SNX8: variants seen among roughly 807,000 people sequenced by gnomAD.
The protein encoded by SNX8 is sorting nexin 8.
In SNX8, 25 loss-of-function variants were observed where a neutral mutation model predicts 51.6. The observed-to-expected ratio is 0.48, with a 90% CI of 0.35 to 0.68. The LOEUF is 0.68. Among genes scored for constraint, SNX8 ranks in the 30% least tolerant of loss-of-function variants. The pLI is 0.00. For missense variants in SNX8, 695 were observed against 624.0 expected, an observed-to-expected ratio of 1.11 and a Z score of -1.21; for synonymous variants, 324 against 277.0, an observed-to-expected ratio of 1.17 and a Z score of -1.68.
intron 1 of SNX8, among the ~76,000 whole-genome samples, chr7:2,320,107 G>A (rs907643578): frequency 6.6e-6 from 1 of 152,184 alleles, no homozygotes; most frequent in Non-Finnish European, 1.5e-5. Context: ...TGTAATCCCA[G>A]CACTTTGGGA....
intron 9 of SNX8, 119 bp from the exon 10 acceptor site, chr7:2,257,142 C>A: frequency 7.7e-7 from 1 of 1,297,700 alleles, no homozygotes; most frequent in Non-Finnish European, 1.0e-6. Flanking sequence ...CTTCACCAGG[C>A]ATTTGGAAGG....
intron 1 of SNX8, among the ~76,000 whole-genome samples, chr7:2,339,970 G>T (rs1778891638): frequency 6.6e-6 from 1 of 150,916 alleles, no homozygotes; most frequent in South Asian, 2.1e-4. Context: ...TATTTTAAGA[G>T]AAAATAAAAA....
intron 1 of SNX8, among the ~76,000 whole-genome samples, chr7:2,337,776 AC>A (rs1387375404): frequency 6.6e-6 from 1 of 151,032 alleles, no homozygotes; most frequent in African/African-American, 2.4e-5. Flanking sequence ...TAAAAAAAAA[AC>A]AAGTATGCAA....
At chr7:2,265,271 C>T (rs1241024580) in intron 5 of SNX8, among the ~76,000 whole-genome samples, 4 of 152,090 alleles carry the variant, frequency 2.6e-5, no homozygotes, top group African/African-American at 4.8e-5. Context: ...ACCCCGGAGG[C>T]GGAGCTTGCA....
intron 1 of SNX8, among the ~76,000 whole-genome samples, chr7:2,311,579 A>AT (rs1796657994): frequency 6.6e-6 from 1 of 151,928 alleles, no homozygotes; most frequent in South Asian, 2.1e-4. Context: ...ATCAACACAC[A>AT]TTCCCTTGAC....
intron 1 of SNX8, among the ~76,000 whole-genome samples, chr7:2,309,204 T>G (rs568636701): frequency 2.6e-5 from 4 of 152,128 alleles, no homozygotes; most frequent in Admixed American, 6.6e-5. Context: ...GGATTACAGG[T>G]GTGAGCCACC....
chr7:2,331,739 C>T (rs1165360134), intron 1 of SNX8, among the ~76,000 whole-genome samples: 1 of 124,024 alleles, frequency 8.1e-6, no homozygotes, highest in African/African-American at 2.9e-5. Flanking sequence ...TAAATAAATA[C>T]CATAGCATTA....
intron 1 of SNX8, among the ~76,000 whole-genome samples, chr7:2,326,936 C>A (rs1039031806): frequency 6.6e-6 from 1 of 152,004 alleles, no homozygotes; most frequent in Non-Finnish European, 1.5e-5. Context: ...CAAAACCCTG[C>A]CTCTACAAAA....
intron 5 of SNX8, among the ~76,000 whole-genome samples, chr7:2,268,568 C>T (rs1795550582): frequency 6.8e-6 from 1 of 147,370 alleles, no homozygotes. Flanking sequence ...AGCCCCCCGC[C>T]TGGCCAGCCG....
chr7:2,284,111 G>A (rs1396933225), intron 1 of SNX8, among the ~76,000 whole-genome samples: 1 of 152,064 alleles, frequency 6.6e-6, no homozygotes, highest in Non-Finnish European at 1.5e-5. Context: ...TGTATTTTTA[G>A]TAGAGATGGG....
chr7:2,266,796 C>A (rs1027891747), intron 5 of SNX8, among the ~76,000 whole-genome samples: 4 of 152,142 alleles, frequency 2.6e-5, no homozygotes, highest in African/African-American at 9.7e-5. Context: ...GCTGGGATTA[C>A]AGGAAGGAGC....
At chr7:2,301,200 C>T (rs1221833620) in intron 1 of SNX8, among the ~76,000 whole-genome samples, 1 of 152,198 alleles carries the variant, frequency 6.6e-6, no homozygotes, top group African/African-American at 2.4e-5. Context: ...TCCATGCCTA[C>T]GAATGGCTGC....
In SNX8 at chr7:2,251,888, C is replaced by G. The variant is rs1795040019; in HGVS notation, c.*3168G>C. On this transcript the variant is annotated 3_prime_UTR_variant, in exon 11 of 11. Transcript: ENST00000222990. ...CTGCAGCCTCCTAAAGTGCTTTGGA[C>G]ATGAACTGACCCGCAAAGCAAGGGC... is the stretch of plus-strand genomic sequence containing the variant. The G allele has an allele frequency of 6.6e-6, 1 of 152,286 alleles. No individual in the cohort carries two copies. Among genetic ancestry groups the G allele is most frequent in the African/African-American group, 2.4e-5 (1 of 41,458 alleles). 9.4% of individuals were successfully genotyped at this position (152,286 alleles called of 1,614,324 possible). A position where few individuals can be genotyped will look rare whatever the true frequency, so the allele number is the denominator to read the frequency against.
chr7:2,320,792 G>A (rs935969893), intron 1 of SNX8, among the ~76,000 whole-genome samples: 4 of 151,390 alleles, frequency 2.6e-5, no homozygotes, highest in East Asian at 2.0e-4. Flanking sequence ...AGGCCGAGGC[G>A]GGCGGATCAC....
At chr7:2,266,435 C>G (rs1795466230) in intron 5 of SNX8, among the ~76,000 whole-genome samples, 1 of 152,128 alleles carries the variant, frequency 6.6e-6, no homozygotes, top group Non-Finnish European at 1.5e-5. Flanking sequence ...CAACCTCTTC[C>G]TCCTAGGTTC....
At chr7:2,299,440 C>G (rs1796345570) in intron 1 of SNX8, 1 of 152,174 alleles carries the variant, frequency 6.6e-6, no homozygotes. Context: ...TCCCCCGGAA[C>G]CCCCTTCTGA....
At chr7:2,330,146 T>C (rs1778703772) in intron 1 of SNX8, among the ~76,000 whole-genome samples, 1 of 147,328 alleles carries the variant, frequency 6.8e-6, no homozygotes, top group South Asian at 2.2e-4. Context: ...TTCTTTTTTT[T>C]TTTTTTTTTG....
rs1323133412 is a variant in SNX8 at position 2,330,240 on chromosome 7, C to T, written c.-66+23982G>A. ...ACAACCTCCACTTCCCAGGCTCAAG[C>T]GATTCTCCTGCCTCAGCCTTCCAAG... is the stretch of plus-strand genomic sequence containing the variant. On this transcript the variant is annotated intron_variant, in intron 1 of 5. Coordinates refer to the SNX8 transcript ENST00000435336. 9.3e-5 allele frequency among the ~76,000 whole-genome samples: 14 copies of T among 150,438 alleles called. No individual in the cohort carries two copies. The South Asian group carries it at 1.9e-3, about 20-fold the overall frequency.
At chr7:2,271,129 C>T (rs1235578901) in intron 4 of SNX8, among the ~76,000 whole-genome samples, 2 of 152,206 alleles carry the variant, frequency 1.3e-5, no homozygotes, top group African/African-American at 2.4e-5. Context: ...CTGCAAGCTC[C>T]ACCTCCTGGG....
Sources: allele counts gnomAD v4.1 joint callset (sites outside exome capture counted in the v4.1 genomes callset), GRCh38; gene constraint gnomAD v4.1.1; transcripts MANE v1.5; gene names NCBI Gene and HGNC (gene_info 2026-07-23, HGNC 2026-07-21).